The following FHAD1 variants were observed in gnomAD, a reference collection of about 807,000 sequenced individuals.
FHAD1 encodes the protein forkhead associated phosphopeptide binding domain 1, also known as forkhead-associated domain-containing protein 1.
A neutral mutation model predicts 191.3 loss-of-function variants in FHAD1; 146 were observed. The ratio of observed to expected loss-of-function variants is 0.76; its 90% CI spans 0.67 to 0.88. The LOEUF (loss-of-function observed/expected upper bound fraction) is 0.88, where lower values mean the gene tolerates loss of function less well. FHAD1 is among the 40% of genes least tolerant of loss of function. The probability of loss-of-function intolerance (pLI) is 0.00; values close to 1 mark genes in which losing one functional copy is unlikely to be tolerated. For missense variants in FHAD1, 1,635 were observed against 1,785.8 expected, an observed-to-expected ratio of 0.92 and a Z score of 1.52; for synonymous variants, 616 against 672.3, an observed-to-expected ratio of 0.92 and a Z score of 1.29.
intron 10 of FHAD1, among the ~76,000 whole-genome samples, chr1:15,324,166 A>G (rs1331537084): frequency 6.6e-6 from 1 of 152,196 alleles, no homozygotes; most frequent in East Asian, 1.9e-4. Context: ...AGAGCAGTGA[A>G]ATGACTTTGC....
In FHAD1 at chr1:15,318,333, G is replaced by A. The variant is rs148400848; in HGVS notation, c.1365+405G>A. ...ATCCATAACAGTAGCCACTAACCGCGCATGGCTATTTACATTTAAATTAAA... is the reference window on the plus strand; with the variant it reads ...ATCCATAACAGTAGCCACTAACCGCACATGGCTATTTACATTTAAATTAAA... On this transcript the variant is annotated intron_variant, in intron 10 of 33. Transcript: ENST00000688493. This position sits in a 1 kb window ranked among gnomAD's most constrained non-coding sequence, Gnocchi z 4.1. 1.6e-3 allele frequency among the ~76,000 whole-genome samples: 247 copies of A among 152,262 alleles called. 1 individual carries two copies. Among genetic ancestry groups the A allele is most frequent in the African/African-American group, 5.2e-3 (217 of 41,548 alleles).
intron 6 of FHAD1, among the ~76,000 whole-genome samples, chr1:15,305,449 T>A (rs1194038314): frequency 6.6e-6 from 1 of 152,110 alleles, no homozygotes; most frequent in Non-Finnish European, 1.5e-5. Flanking sequence ...AAAGCCTGGA[T>A]TTGGATCGTA....
At chr1:15,245,115 CAGG>C (rs373442986), upstream of FHAD1, among the ~76,000 whole-genome samples, 11 of 152,294 alleles carry the variant, frequency 7.2e-5, no homozygotes, top group African/African-American at 2.6e-4. Flanking sequence ...ATGCACCCTA[CAGG>C]AACAGCACCA....
At chr1:15,360,438 C>T in intron 21 of FHAD1, 40 bp from the exon 22 acceptor site, 1 of 1,524,508 alleles carries the variant, frequency 6.6e-7, no homozygotes, top group Non-Finnish European at 8.9e-7. Context: ...CCGTCATACA[C>T]AGCTCCCAAG....
chr1:15,248,098 G>GA (rs1434058345), intron 1 of FHAD1, among the ~76,000 whole-genome samples: 1 of 151,884 alleles, frequency 6.6e-6, no homozygotes, highest in Non-Finnish European at 1.5e-5. Context: ...TACTGAAGGG[G>GA]AAAATGAAAG....
At chr1:15,294,560 T>C (rs1021067901) in intron 4 of FHAD1, among the ~76,000 whole-genome samples, 9 of 152,148 alleles carry the variant, frequency 5.9e-5, no homozygotes, top group African/African-American at 2.2e-4. Context: ...ACCTGGCTAA[T>C]TTTTGTATTT....
chr1:15,329,838 A>T lies in FHAD1; in HGVS notation c.1906+297A>T, dbSNP rs949218663. ...TGTTTAACCTCCAAGGCATTTTCCC[A>T]TGGAAATAACCGCGTGATTCCAGGC... On this transcript the variant is annotated intron_variant, in intron 14 of 33. Transcript: ENST00000688493. This position sits in a 1 kb window ranked among gnomAD's most constrained non-coding sequence, Gnocchi z 5.0. 2.7e-5 allele frequency: 10 copies of T among 365,178 alleles called. No homozygotes were observed. The highest frequency in any genetic ancestry group is 1.8e-4 in the African/African-American group (9 of 49,122). The allele number at this position is 365,178 out of a possible 1,614,324, so 22.6% of individuals were successfully genotyped here.
chr1:15,277,883 G>A (rs569559076), intron 3 of FHAD1, among the ~76,000 whole-genome samples: 9 of 152,188 alleles, frequency 5.9e-5, no homozygotes, highest in Non-Finnish European at 8.8e-5. Context: ...TTTACTATAC[G>A]TACCAGGAAG....
intron 20 of FHAD1, among the ~76,000 whole-genome samples, chr1:15,353,735 A>G (rs1462240391): frequency 6.6e-6 from 1 of 150,588 alleles, no homozygotes; most frequent in African/African-American, 2.5e-5. Context: ...AAGAAAAGAA[A>G]AAAAAAAAAA....
At chr1:15,362,252 A>G (rs1695044903) in intron 22 of FHAD1, among the ~76,000 whole-genome samples, 1 of 152,222 alleles carries the variant, frequency 6.6e-6, no homozygotes. Context: ...CGGTGCACTG[A>G]GGTGTAAATG....
intron 4 of FHAD1, among the ~76,000 whole-genome samples, chr1:15,292,372 C>T (rs190471137): frequency 3.3e-5 from 5 of 152,206 alleles, no homozygotes; most frequent in Admixed American, 6.5e-5. Flanking sequence ...CTCGCTCTGT[C>T]GCCCAGGCTG....
chr1:15,242,797 T>C (rs1028852106), upstream of FHAD1, among the ~76,000 whole-genome samples: 2 of 152,196 alleles, frequency 1.3e-5, no homozygotes, highest in African/African-American at 4.8e-5. Flanking sequence ...TGGGGCTCTC[T>C]TCGCACAGCA....
chr1:15,238,279 T>C (rs2100471164), intron 1 of FHAD1, among the ~76,000 whole-genome samples: 1 of 144,316 alleles, frequency 6.9e-6, no homozygotes, highest in Non-Finnish European at 1.5e-5. Flanking sequence ...AGGAGCACTG[T>C]TGAAATGAGA....
intron 2 of FHAD1, among the ~76,000 whole-genome samples, chr1:15,263,953 T>A (rs1339444441): frequency 6.6e-6 from 1 of 152,218 alleles, no homozygotes; most frequent in East Asian, 1.9e-4. Flanking sequence ...ATGCAAAGGT[T>A]TATATGGGGG....
At chr1:15,255,681 C>CA (rs111372556) in intron 2 of FHAD1, among the ~76,000 whole-genome samples, 88,745 of 151,436 alleles carry the variant, frequency 0.59, 26,242 homozygotes, top group East Asian at 0.69. Context: ...TTCAAGCCTA[C>CA]GTCAGGGCTC....
intron 3 of FHAD1, among the ~76,000 whole-genome samples, chr1:15,281,499 C>G (rs929440277): frequency 7.2e-5 from 11 of 151,902 alleles, no homozygotes; most frequent in African/African-American, 2.4e-4. Flanking sequence ...GTGGCTCACA[C>G]CTGTAATTCT....
Position 15,396,574 on chromosome 1 carries a change from C to A in FHAD1, c.4324-723C>A, listed in dbSNP as rs150547248. On this transcript the variant is annotated intron_variant, in intron 33 of 33. Coordinates refer to ENST00000688493, the MANE Select transcript of FHAD1 (RefSeq NM_001391957.1). ...CTGTAATCCTAGCACCGTGGGAGGC[C>A]AAGGCAGGCAGATCACTTGAGGTCA... is the stretch of plus-strand genomic sequence containing the variant. Among the ~76,000 whole-genome samples the A allele has an allele frequency of 2.6e-4, 39 of 152,026 alleles. No individual in the cohort carries two copies. The East Asian group carries it at 5.2e-3, about 20-fold the overall frequency.
chr1:15,360,664 AT>A lies in FHAD1; in HGVS notation c.2924del (p.Ile975LysfsTer8). On this transcript the variant is annotated frameshift_variant, in exon 22 of 34. Coordinates refer to ENST00000688493, the MANE Select transcript of FHAD1 (RefSeq NM_001391957.1). LOFTEE classifies it high-confidence loss of function. ...GAAAGTCACTCAGCACCATAAAAAA[AT>A]AGAAGGCGAGATTGCAACATTGAAG... ...LQKVTQHHKKIEGEIATLKDN... is the reference protein window; with the variant it reads ...LQKVTQHHKKXEGEIATLKDN... 1 of 1,551,866 alleles carries A rather than the reference AT, an allele frequency of 6.4e-7. No individual in the cohort carries two copies. Among genetic ancestry groups the A allele is most frequent in the Admixed American group, 2.0e-5 (1 of 51,010 alleles).
intron 33 of FHAD1, among the ~76,000 whole-genome samples, chr1:15,393,430 G>GCACACACACACACACACACACA (rs57536175): frequency 6.8e-6 from 1 of 146,742 alleles, no homozygotes; most frequent in Non-Finnish European, 1.5e-5. Context: ...ACACACACAC[G>GCACACACACACACACACACACA]CACACACACA....
Sources: allele counts gnomAD v4.1 joint callset (sites outside exome capture counted in the v4.1 genomes callset), GRCh38; gene constraint gnomAD v4.1.1; non-coding constraint Gnocchi (gnomAD v3.1); transcripts MANE v1.5; gene names NCBI Gene and HGNC (gene_info 2026-07-23, HGNC 2026-07-21).